The following PTPN9 variants were observed in gnomAD, a reference collection of about 807,000 sequenced individuals.
PTPN9 encodes tyrosine-protein phosphatase non-receptor type 9.
A neutral mutation model predicts 69.8 loss-of-function variants in PTPN9; 26 were observed. The ratio of observed to expected loss-of-function variants is 0.37; its 90% CI spans 0.27 to 0.52. PTPN9 has a LOEUF of 0.52. Ranked by LOEUF, PTPN9 falls within the 20% of genes least tolerant of loss-of-function variation. The probability of loss-of-function intolerance (pLI) is 0.91; values close to 1 mark genes in which losing one functional copy is unlikely to be tolerated. For synonymous variants in PTPN9, 274 were observed against 272.5 expected (o/e 1.01, Z -0.05); for missense variants, 549 against 740.3 (o/e 0.74, Z 3.00).
Position 75,501,409 on chromosome 15 carries a change from G to A in PTPN9, c.968+4266C>T, listed in dbSNP as rs573652135. Among the ~76,000 whole-genome samples, 12 of 151,566 alleles carry A rather than the reference G, an allele frequency of 7.9e-5. No individual in the cohort carries two copies. The South Asian group carries it at 2.3e-3, about 29-fold the overall frequency. On this transcript the variant is annotated intron_variant, in intron 7 of 12. Coordinates refer to ENST00000618819, the MANE Select transcript of PTPN9 (RefSeq NM_002833.4). ...TGGAATATGAGGCTGGGACCCACTAGGATGGCTTCCCTCATTTTCTTTCTT... is the reference window on the plus strand; with the variant it reads ...TGGAATATGAGGCTGGGACCCACTAAGATGGCTTCCCTCATTTTCTTTCTT...
intron 6 of PTPN9, among the ~76,000 whole-genome samples, chr15:75,506,215 T>C (rs1204153404): frequency 6.6e-6 from 1 of 152,198 alleles, no homozygotes; most frequent in Non-Finnish European, 1.5e-5. Context: ...TCCCAGAATG[T>C]ATATAAAATT....
chr15:75,490,352 A>G (rs765158709), intron 7 of PTPN9, 51 bp from the exon 8 acceptor site: 30 of 1,316,214 alleles, frequency 2.3e-5, no homozygotes, highest in Middle Eastern at 3.7e-4. Flanking sequence ...TGGGGACAGT[A>G]TGTATGTACA....
At chr15:75,575,751 C>G (rs562668338) in intron 1 of PTPN9, among the ~76,000 whole-genome samples, 1 of 148,978 alleles carries the variant, frequency 6.7e-6, no homozygotes, top group South Asian at 2.1e-4. Flanking sequence ...AACCCCGTCT[C>G]TACTAAAAAT....
chr15:75,504,585 A>C (rs2074804368), intron 7 of PTPN9, among the ~76,000 whole-genome samples: 1 of 123,698 alleles, frequency 8.1e-6, no homozygotes, highest in Non-Finnish European at 1.7e-5. Flanking sequence ...TGCCGCCCCT[A>C]CTGGGAAGTG....
intron 1 of PTPN9, among the ~76,000 whole-genome samples, chr15:75,548,776 C>T (rs975410166): frequency 6.6e-6 from 1 of 151,260 alleles, no homozygotes; most frequent in Non-Finnish European, 1.5e-5. Flanking sequence ...GCCTCAGCCT[C>T]CCGAGTAGCT....
rs1289561242 is a variant in PTPN9, at chr15:75,579,266, C to T, written c.-490G>A. On this transcript the variant is annotated 5_prime_UTR_variant, in exon 1 of 13. Transcript: ENST00000618819. Reference sequence around the variant, plus strand: ...TCCTCGCGGACGCTGGCCCTGCGACCTGCGCGGCTGCCTCAGCCAGGCTCC... The same window carrying T: ...TCCTCGCGGACGCTGGCCCTGCGACTTGCGCGGCTGCCTCAGCCAGGCTCC... The T allele has an allele frequency of 6.6e-6, 1 of 152,156 alleles. No individual in the cohort carries two copies. Among genetic ancestry groups the T allele is most frequent in the Non-Finnish European group, 1.5e-5 (1 of 68,040 alleles). 9.4% of individuals were successfully genotyped at this position (152,156 alleles called of 1,614,324 possible).
chr15:75,564,358 G>C (rs1440928762), intron 1 of PTPN9, among the ~76,000 whole-genome samples: 3 of 152,016 alleles, frequency 2.0e-5, no homozygotes, highest in Non-Finnish European at 4.4e-5. Flanking sequence ...ACTTCTGGAG[G>C]CTGAGGCGGG....
intron 1 of PTPN9, among the ~76,000 whole-genome samples, chr15:75,562,218 A>G (rs2075106894): frequency 6.6e-6 from 1 of 152,188 alleles, no homozygotes; most frequent in Non-Finnish European, 1.5e-5. Flanking sequence ...AGAGGCTTAT[A>G]TGAACTCCCC....
intron 1 of PTPN9, among the ~76,000 whole-genome samples, chr15:75,531,453 G>A (rs1389042089): frequency 6.6e-6 from 1 of 152,026 alleles, no homozygotes; most frequent in Admixed American, 6.6e-5. Flanking sequence ...TGGAGTGAGT[G>A]GCCAGCATCA....
At chr15:75,536,376 G>A (rs750448623) in intron 1 of PTPN9, among the ~76,000 whole-genome samples, 32 of 152,126 alleles carry the variant, frequency 2.1e-4, no homozygotes, top group Admixed American at 5.2e-4. Flanking sequence ...TTTAACTATG[G>A]AGACAGATGT....
intron 4 of PTPN9, among the ~76,000 whole-genome samples, chr15:75,520,355 C>T (rs1295571310): frequency 1.3e-5 from 2 of 151,678 alleles, no homozygotes; most frequent in African/African-American, 4.8e-5. Context: ...GATCCAGGTT[C>T]TATATTCCCA....
intron 8 of PTPN9, among the ~76,000 whole-genome samples, chr15:75,486,095 A>C (rs1485845166): frequency 2.3e-4 from 31 of 133,238 alleles, no homozygotes; most frequent in African/African-American, 8.8e-4. Flanking sequence ...GCGAGACTCC[A>C]ACTCAAAAAA....
intron 7 of PTPN9, among the ~76,000 whole-genome samples, chr15:75,496,497 A>ATTTTT (rs142240420): frequency 6.8e-6 from 1 of 147,596 alleles, no homozygotes; most frequent in Non-Finnish European, 1.5e-5. Context: ...AGTATTATTA[A>ATTTTT]CTTTTTTTTT....
At chr15:75,534,651 G>C (rs1048677127) in intron 1 of PTPN9, among the ~76,000 whole-genome samples, 13 of 151,126 alleles carry the variant, frequency 8.6e-5, no homozygotes, top group African/African-American at 2.9e-4. Context: ...GTCCAGCCTG[G>C]GTGACTGAGT....
At chr15:75,488,238 G>A (rs370111786) in intron 8 of PTPN9, among the ~76,000 whole-genome samples, 34 of 151,980 alleles carry the variant, frequency 2.2e-4, no homozygotes, top group African/African-American at 6.8e-4. Flanking sequence ...CTGAGATTGC[G>A]CCATTGCACT....
Position 75,479,880 on chromosome 15 carries a change from T to A in PTPN9, c.1097A>T (p.Tyr366Phe). The change falls in exon 9 of 13, where the codon TAC (tyrosine) becomes TTC (phenylalanine). Residue 366 changes from tyrosine (Y) to phenylalanine (F), a missense_variant. This residue lies in a region of PTPN9 where 457 missense variants were observed against 661.9 expected (regional missense o/e 0.69). Coordinates refer to ENST00000618819, the MANE Select transcript of PTPN9 (RefSeq NM_002833.4). ...GCCAATGTAAGCATTCTTCTGCTTG[T>A]AGCCATCCATGAAACTGGCATTGAT... ...DYINASFMDGYKQKNAYIGTQ... is the reference protein window; with the variant it reads ...DYINASFMDGFKQKNAYIGTQ... The A allele has an allele frequency of 6.2e-7, 1 of 1,611,568 alleles. No individual in the cohort carries two copies. The highest frequency in any genetic ancestry group is 8.5e-7 in the Non-Finnish European group (1 of 1,178,806).
At chr15:75,471,127 G>C (rs995491639) in intron 10 of PTPN9, among the ~76,000 whole-genome samples, 2 of 152,150 alleles carry the variant, frequency 1.3e-5, no homozygotes. Context: ...ATAAATACTG[G>C]GTGAACAGAG....
intron 1 of PTPN9, among the ~76,000 whole-genome samples, chr15:75,562,791 C>CAAAAAA (rs60164759): frequency 5.0e-5 from 4 of 80,044 alleles, no homozygotes; most frequent in African/African-American, 4.8e-5. Flanking sequence ...AGACTCGTTT[C>CAAAAAA]AAAAAAAAAA....
In PTPN9 at chr15:75,559,783, A is replaced by AAAAAAAAAAG. The variant is rs925206692; in HGVS notation, c.63+18930_63+18931insCTTTTTTTTT. ...GAATGGTCAACAAAAAAAAAAAAAA[A>AAAAAAAAAAG]AAGAAGAAAGAAAATATTTGGGGTG... On this transcript the variant is annotated intron_variant, in intron 1 of 12. Coordinates refer to ENST00000618819, the MANE Select transcript of PTPN9 (RefSeq NM_002833.4). Among the ~76,000 whole-genome samples the AAAAAAAAAAG allele has an allele frequency of 2.0e-4, 28 of 142,538 alleles. 1 individual carries two copies. Among genetic ancestry groups the AAAAAAAAAAG allele is most frequent in the Non-Finnish European group, 3.8e-4 (25 of 65,764 alleles). The allele number at this position is 142,538 out of a possible 152,430, so 93.5% of individuals were successfully genotyped here.
Sources: allele counts gnomAD v4.1 joint callset (sites outside exome capture counted in the v4.1 genomes callset), GRCh38; gene constraint gnomAD v4.1.1; regional missense constraint gnomAD v4.1.1; transcripts MANE v1.5; gene names NCBI Gene and HGNC (gene_info 2026-07-23, HGNC 2026-07-21).